The following CEP83 variants were observed in gnomAD, a reference collection of about 807,000 sequenced individuals.
CEP83 encodes the protein centrosomal protein 83, also known as centrosomal protein of 83 kDa.
Under a neutral mutation model 101.9 loss-of-function variants are expected in CEP83, and 70 were observed. The observed-to-expected ratio is 0.69, with a 90% CI of 0.57 to 0.84. The LOEUF is 0.84. CEP83 is among the 40% of genes least tolerant of loss of function. CEP83 has a pLI of 0.00. For synonymous variants in CEP83, 264 were observed against 267.9 expected (o/e 0.99, Z 0.14); for missense variants, 715 against 787.2 (o/e 0.91, Z 1.10).
chr12:94,407,422 C>T (rs940897905), intron 4 of CEP83, among the ~76,000 whole-genome samples: 1 of 152,186 alleles, frequency 6.6e-6, no homozygotes, highest in Admixed American at 6.5e-5. Context: ...GTGCTCACTA[C>T]CCTGTAGAGT....
chr12:94,356,494 G>A (rs921249215), intron 11 of CEP83, among the ~76,000 whole-genome samples: 2 of 152,128 alleles, frequency 1.3e-5, no homozygotes, highest in East Asian at 1.9e-4. Flanking sequence ...GCAGCGCCTC[G>A]AGCGATGGCT....
chr12:94,411,015 A>G (rs373826338), intron 4 of CEP83, among the ~76,000 whole-genome samples: 9 of 152,156 alleles, frequency 5.9e-5, no homozygotes, highest in African/African-American at 2.2e-4. Context: ...ATTTGTACCA[A>G]TCAGATTGTT....
the CEP83 span, among the ~76,000 whole-genome samples, chr12:94,291,074 T>C: frequency 6.6e-6 from 1 of 152,116 alleles, no homozygotes; most frequent in Non-Finnish European, 1.5e-5. Context: ...CCCATCAGGG[T>C]GTGGGGGAGG....
chr12:94,313,109 T>A, intron 14 of CEP83, 92 bp from the exon 15 acceptor site: 1 of 569,466 alleles, frequency 1.8e-6, no homozygotes, highest in Non-Finnish European at 3.0e-6. Context: ...AAAAACTGTG[T>A]TTAGATATGA....
rs148995226 is a variant in CEP83 at position 94,336,279 on chromosome 12, A to C, written c.1344-615T>G. ...TACATCTACAGCCAGAGCCTTAAAA[A>C]GCAGAGCAGCTCTAGTGACCAAATG... On this transcript the variant is annotated intron_variant, in intron 11 of 16. Transcript: ENST00000397809. 7.9e-4 allele frequency among the ~76,000 whole-genome samples: 120 copies of C among 152,354 alleles called. 1 individual carries two copies. In the East Asian group the frequency reaches 0.022, roughly 28 times the overall value.
intron 2 of CEP83, among the ~76,000 whole-genome samples, chr12:94,413,157 CCTT>C (rs2064017663): frequency 1.3e-5 from 2 of 152,120 alleles, no homozygotes; most frequent in South Asian, 4.1e-4. Flanking sequence ...CTCAGCCTCT[CCTT>C]ATCATTTTTA....
At chr12:94,331,887 A>G in intron 13 of CEP83, 58 bp from the exon 14 acceptor site, 1 of 1,505,802 alleles carries the variant, frequency 6.6e-7, no homozygotes, top group Non-Finnish European at 9.2e-7. Flanking sequence ...GATTAAATAG[A>G]TATTATCACA....
chr12:94,293,004 C>G, the CEP83 span, among the ~76,000 whole-genome samples: 3 of 152,214 alleles, frequency 2.0e-5, no homozygotes, highest in African/African-American at 4.8e-5. Flanking sequence ...ATCACTACCG[C>G]TGCTCTCTTC....
the CEP83 span, among the ~76,000 whole-genome samples, chr12:94,292,404 AT>A: frequency 6.6e-6 from 1 of 152,218 alleles, no homozygotes; most frequent in African/African-American, 2.4e-5. Context: ...GTGAATAGTC[AT>A]TGAGCTGCAC....
chr12:94,454,962 G>C (rs1237179607), intron 1 of CEP83, among the ~76,000 whole-genome samples: 2 of 152,120 alleles, frequency 1.3e-5, no homozygotes, highest in Non-Finnish European at 2.9e-5. Context: ...CCTGAAGTCA[G>C]CAAGACCATG....
intron 14 of CEP83, among the ~76,000 whole-genome samples, chr12:94,326,413 A>T (rs1429816820): frequency 6.6e-6 from 1 of 152,162 alleles, no homozygotes; most frequent in Non-Finnish European, 1.5e-5. Flanking sequence ...GGTGACTCAG[A>T]CTTGCAACTG....
chr12:94,421,060 T>C (rs772070962), intron 2 of CEP83, among the ~76,000 whole-genome samples: 4 of 152,040 alleles, frequency 2.6e-5, no homozygotes, highest in Non-Finnish European at 5.9e-5. Flanking sequence ...TAATTTTTTT[T>C]GAGACATTCT....
At chr12:94,350,563 T>G (rs2060152245) in intron 11 of CEP83, among the ~76,000 whole-genome samples, 1 of 152,092 alleles carries the variant, frequency 6.6e-6, no homozygotes, top group Admixed American at 6.5e-5. Flanking sequence ...GGAATTTGAT[T>G]TGATAATGAT....
At chr12:94,280,099 G>A in the CEP83 span, 1 of 324,574 alleles carries the variant, frequency 3.1e-6, no homozygotes, top group Non-Finnish European at 6.0e-6. Context: ...TGCTAGAAAG[G>A]TCATCTTCCT....
At chr12:94,349,594 C>T (rs535978514) in intron 11 of CEP83, among the ~76,000 whole-genome samples, 1 of 152,232 alleles carries the variant, frequency 6.6e-6, no homozygotes, top group African/African-American at 2.4e-5. Context: ...AACAAACTAA[C>T]AAACTCGGAA....
intron 11 of CEP83, among the ~76,000 whole-genome samples, chr12:94,346,949 G>A (rs1256428633): frequency 6.6e-6 from 1 of 151,622 alleles, no homozygotes; most frequent in Non-Finnish European, 1.5e-5. Flanking sequence ...GAGGTGGGAG[G>A]ATCGCTTGAG....
intron 2 of CEP83, among the ~76,000 whole-genome samples, chr12:94,423,530 T>C (rs2064941506): frequency 6.9e-6 from 1 of 144,406 alleles, no homozygotes; most frequent in Non-Finnish European, 1.5e-5. Flanking sequence ...AAAAAAGTGA[T>C]GGCTCCCCCA....
In CEP83 at chr12:94,312,945, CTTCT is replaced by C. The variant is rs1281975968; in HGVS notation, c.1776_1779del (p.Glu593AsnfsTer9). 1 of 1,588,856 alleles carries C rather than the reference CTTCT, an allele frequency of 6.3e-7. No individual in the cohort carries two copies. Among genetic ancestry groups the C allele is most frequent in the Non-Finnish European group, 8.6e-7 (1 of 1,161,364 alleles). On this transcript the variant is annotated frameshift_variant, in exon 15 of 17. Coordinates refer to ENST00000397809, the MANE Select transcript of CEP83 (RefSeq NM_016122.3). LOFTEE classifies it high-confidence loss of function. ...AAGACCTGATTTTCTGTTTCCAATT[CTTCT>C]TTCTTTGCCTCCAAGACTTCTACTT...
chr12:94,303,900 T>G, downstream of CEP83: 1 of 1,608,316 alleles, frequency 6.2e-7, no homozygotes, highest in Non-Finnish European at 8.5e-7. Context: ...ATCTAAGGTA[T>G]CATTAGAAAG....
Sources: gnomAD v4.1 joint callset for allele counts (sites outside exome capture counted in the v4.1 genomes callset) on GRCh38, gnomAD v4.1.1 for gene constraint, MANE v1.5 for transcripts, NCBI Gene and HGNC (gene_info 2026-07-23, HGNC 2026-07-21) for gene names.